Variants in MACROD2 observed in about 807,000 individuals in gnomAD.
The protein encoded by MACROD2 is ADP-ribose glycohydrolase MACROD2.
In MACROD2, 36 loss-of-function variants were observed where a neutral mutation model predicts 70.4. That is an observed-to-expected ratio of 0.51 (90% CI 0.39 to 0.68). MACROD2 has a LOEUF of 0.68. MACROD2 is among the 30% of genes least tolerant of loss of function. MACROD2 has a pLI of 0.00. For synonymous variants in MACROD2, 172 were observed against 178.8 expected (o/e 0.96, Z 0.30); for missense variants, 496 against 538.4 (o/e 0.92, Z 0.78).
intron 5 of MACROD2, among the ~76,000 whole-genome samples, chr20:14,967,410 C>T (rs966731899): frequency 3.3e-5 from 5 of 152,084 alleles, no homozygotes; most frequent in African/African-American, 7.2e-5. Context: ...GCAATCCGCC[C>T]GCCTCGGCCT....
intron 8 of MACROD2, among the ~76,000 whole-genome samples, chr20:15,513,278 GA>G (rs572796094): frequency 9.1e-4 from 138 of 151,102 alleles, no homozygotes; most frequent in African/African-American, 3.2e-3. Flanking sequence ...AAAGGAAAAA[GA>G]AAATCCCCTG....
At chr20:14,027,730 T>TCC (rs2053191091) in intron 2 of MACROD2, among the ~76,000 whole-genome samples, 1 of 152,224 alleles carries the variant, frequency 6.6e-6, no homozygotes, top group African/African-American at 2.4e-5. Flanking sequence ...TGCCTGGGTA[T>TCC]CACCAGCAGA....
chr20:14,424,118 T>C (rs1314033545), intron 3 of MACROD2, among the ~76,000 whole-genome samples: 1 of 152,164 alleles, frequency 6.6e-6, no homozygotes, highest in African/African-American at 2.4e-5. Flanking sequence ...GGTATACTTA[T>C]GCCCTGCAAA....
intron 5 of MACROD2, among the ~76,000 whole-genome samples, chr20:14,704,875 A>T (rs140404054): frequency 6.6e-6 from 1 of 152,070 alleles, no homozygotes; most frequent in African/African-American, 2.4e-5. Flanking sequence ...AAGGCCTGGC[A>T]GGGGCTGGCT....
intron 3 of MACROD2, among the ~76,000 whole-genome samples, chr20:14,389,173 G>C (rs6514513): frequency 0.99 from 150,405 of 152,126 alleles, 74,373 homozygotes; most frequent in Middle Eastern, 1. Context: ...AGCCACCGCG[G>C]CTGGCCATCG....
intron 5 of MACROD2, among the ~76,000 whole-genome samples, chr20:15,014,171 T>A (rs1742009683): frequency 6.6e-6 from 1 of 152,220 alleles, no homozygotes; most frequent in African/African-American, 2.4e-5. Context: ...TCCCCCTGGT[T>A]GTCTGGTGTG....
intron 8 of MACROD2, among the ~76,000 whole-genome samples, chr20:15,617,176 G>A (rs2049051213): frequency 6.6e-6 from 1 of 151,932 alleles, no homozygotes; most frequent in Admixed American, 6.6e-5. Flanking sequence ...TTTCTCCCAT[G>A]TTTATCTATT....
At chr20:14,730,059 A>T (rs755202581) in intron 5 of MACROD2, among the ~76,000 whole-genome samples, 1 of 152,154 alleles carries the variant, frequency 6.6e-6, no homozygotes, top group African/African-American at 2.4e-5. Flanking sequence ...AGACCTGGCA[A>T]ACTAGAAGAT....
chr20:14,862,009 A>ATATATATATTTATATATATTTATG (rs2073327735), intron 5 of MACROD2, among the ~76,000 whole-genome samples: 3 of 18,836 alleles, frequency 1.6e-4, no homozygotes, highest in Admixed American at 9.4e-4. Context: ...ATATATTTAT[A>ATATATATATTTATATATATTTATG]TATATATATT....
intron 4 of MACROD2, among the ~76,000 whole-genome samples, chr20:14,563,903 CA>C (rs1979604710): frequency 6.6e-6 from 1 of 151,796 alleles, no homozygotes. Context: ...CAATCGTAAG[CA>C]AAAAGGATAA....
intron 4 of MACROD2, among the ~76,000 whole-genome samples, chr20:14,652,181 G>A (rs1412223755): frequency 2.0e-5 from 3 of 152,132 alleles, no homozygotes; most frequent in South Asian, 2.1e-4. Context: ...AGTTTAGACA[G>A]TTGACTGTTG....
intron 4 of MACROD2, among the ~76,000 whole-genome samples, chr20:14,549,488 T>G (rs903091649): frequency 6.6e-6 from 1 of 152,202 alleles, no homozygotes; most frequent in African/African-American, 2.4e-5. Flanking sequence ...AATTGTTTAT[T>G]GCCTTGCTGT....
chr20:14,434,775 G>C (rs1004821092), intron 3 of MACROD2, among the ~76,000 whole-genome samples: 1 of 151,976 alleles, frequency 6.6e-6, no homozygotes, highest in African/African-American at 2.4e-5. Context: ...TGAAATGGTT[G>C]CCAATACTAG....
intron 8 of MACROD2, among the ~76,000 whole-genome samples, chr20:15,581,885 G>C (rs2048529389): frequency 6.6e-6 from 1 of 152,304 alleles, no homozygotes; most frequent in East Asian, 1.9e-4. Context: ...ACTTTGGGAG[G>C]CCGAGGCAGG....
chr20:14,822,137 G>C (rs990399673), intron 5 of MACROD2, among the ~76,000 whole-genome samples: 1 of 152,010 alleles, frequency 6.6e-6, no homozygotes, highest in Admixed American at 6.6e-5. Context: ...CTAGCATCTT[G>C]TACAAAACAA....
intron 8 of MACROD2, among the ~76,000 whole-genome samples, chr20:15,512,168 G>A (rs1600515904): frequency 6.6e-6 from 1 of 152,184 alleles, no homozygotes; most frequent in East Asian, 1.9e-4. Context: ...GTCCTGGGGT[G>A]GCCACAGCTT....
intron 5 of MACROD2, among the ~76,000 whole-genome samples, chr20:14,788,823 C>G (rs765776478): frequency 7.9e-6 from 1 of 125,842 alleles, no homozygotes; most frequent in African/African-American, 3.0e-5. Flanking sequence ...GGCTGGAGTG[C>G]GGTGGTGCGA....
At chr20:15,982,496 C>T (rs1371954811) in intron 13 of MACROD2, among the ~76,000 whole-genome samples, 7 of 152,096 alleles carry the variant, frequency 4.6e-5, no homozygotes, top group Admixed American at 6.5e-5. Context: ...GTGACTGGAG[C>T]GGGGCTTGTC....
chr20:15,357,026 TAGAA>T (rs2078295539), intron 6 of MACROD2, among the ~76,000 whole-genome samples: 1 of 152,096 alleles, frequency 6.6e-6, no homozygotes, highest in Non-Finnish European at 1.5e-5. Context: ...TTTATATGAA[TAGAA>T]AGAAGATCTG....
Sources: gnomAD v4.1 joint callset for allele counts (sites outside exome capture counted in the v4.1 genomes callset) on GRCh38, gnomAD v4.1.1 for gene constraint, MANE v1.5 for transcripts, NCBI Gene and HGNC (gene_info 2026-07-23, HGNC 2026-07-21) for gene names.